The following FNBP1L variants were observed in gnomAD, a reference collection of about 807,000 sequenced individuals.
The protein encoded by FNBP1L is formin binding protein 1 like.
FNBP1L carries 36 observed loss-of-function variants against 91.2 expected under a neutral mutation model. That is an observed-to-expected ratio of 0.39 (90% CI 0.30 to 0.52). The LOEUF (loss-of-function observed/expected upper bound fraction) is 0.52, where lower values mean the gene tolerates loss of function less well. Ranked by LOEUF, FNBP1L falls within the 20% of genes least tolerant of loss-of-function variation. The pLI is 0.66. For missense variants in FNBP1L, 571 were observed against 732.1 expected, an observed-to-expected ratio of 0.78 and a Z score of 2.54; for synonymous variants, 242 against 237.0, an observed-to-expected ratio of 1.02 and a Z score of -0.19.
rs1313345059 is a variant in FNBP1L, at chr1:93,479,110, AAG to A, written c.25-20353_25-20352del. Among the ~76,000 whole-genome samples, 15 of 152,348 alleles carry A rather than the reference AAG, an allele frequency of 9.8e-5. No homozygotes were observed. In the East Asian group the frequency reaches 1.5e-3, roughly 16 times the overall value. On this transcript the variant is annotated intron_variant, in intron 1 of 16. Coordinates refer to ENST00000271234, the MANE Select transcript of FNBP1L (RefSeq NM_001164473.3). ...CGGTCTGAGAAATAGAAAGAGTACA[AAG>A]AGAGGAATTTTACAGCTGGGCCGCT...
intron 2 of FNBP1L, among the ~76,000 whole-genome samples, chr1:93,506,911 T>A (rs74495131): frequency 1.5e-3 from 234 of 152,224 alleles, no homozygotes; most frequent in African/African-American, 5.5e-3. Flanking sequence ...ATATTTAATA[T>A]CACATATATA....
intron 5 of FNBP1L, among the ~76,000 whole-genome samples, chr1:93,527,798 G>T (rs960796592): frequency 3.3e-5 from 5 of 151,932 alleles, no homozygotes; most frequent in African/African-American, 9.7e-5. Context: ...GAACTAATAT[G>T]CAGGAAAGAA....
At chr1:93,456,211 G>C (rs1668651642) in intron 1 of FNBP1L, among the ~76,000 whole-genome samples, 1 of 152,156 alleles carries the variant, frequency 6.6e-6, no homozygotes, top group South Asian at 2.1e-4. Context: ...TTTATGTAAA[G>C]TGTCCATGTT....
At chr1:93,516,307 C>G (rs1452370099) in intron 2 of FNBP1L, among the ~76,000 whole-genome samples, 1 of 152,150 alleles carries the variant, frequency 6.6e-6, no homozygotes, top group Non-Finnish European at 1.5e-5. Context: ...CCGGGGACCT[C>G]TTGATCTGCA....
At chr1:93,485,040 A>G (rs573760396) in intron 1 of FNBP1L, among the ~76,000 whole-genome samples, 82 of 152,042 alleles carry the variant, frequency 5.4e-4, no homozygotes, top group Non-Finnish European at 9.6e-4. Context: ...AGTCCCAGCT[A>G]TTTGGAAGGC....
intron 2 of FNBP1L, among the ~76,000 whole-genome samples, chr1:93,502,745 G>A (rs965333609): frequency 7.9e-5 from 12 of 152,142 alleles, no homozygotes; most frequent in African/African-American, 2.7e-4. Context: ...AAGGAATTTG[G>A]CACATTTCCA....
At chr1:93,463,650 T>C (rs1668973584) in intron 1 of FNBP1L, among the ~76,000 whole-genome samples, 1 of 152,152 alleles carries the variant, frequency 6.6e-6, no homozygotes, top group Non-Finnish European at 1.5e-5. Flanking sequence ...TGCTTAATCG[T>C]TTATTTCCAG....
At chr1:93,532,723 T>A (rs1180834087) in intron 7 of FNBP1L, among the ~76,000 whole-genome samples, 199 bp from the exon 8 acceptor site, 1 of 151,930 alleles carries the variant, frequency 6.6e-6, no homozygotes, top group Non-Finnish European at 1.5e-5. Context: ...TGCCTTACTA[T>A]TTTTTTTCTT....
chr1:93,472,999 T>G (rs1347160630), intron 1 of FNBP1L, among the ~76,000 whole-genome samples: 1 of 152,132 alleles, frequency 6.6e-6, no homozygotes, highest in East Asian at 1.9e-4. Flanking sequence ...ATGTTTCTCA[T>G]TTTGCACTTG....
At chr1:93,469,670 A>T (rs1037824611) in intron 1 of FNBP1L, among the ~76,000 whole-genome samples, 1 of 152,184 alleles carries the variant, frequency 6.6e-6, no homozygotes, top group Non-Finnish European at 1.5e-5. Context: ...ATAAATAAAA[A>T]CTAATATTGA....
At position 93,519,417 on chromosome 1, in the gene FNBP1L, TCTTTAGG is replaced by T. The variant is rs1292314587; in HGVS notation, c.141-2661_141-2655del. Reference sequence around the variant, plus strand: ...TCCAGTTGCCCAATTCCTGTTTATCTCTTTAGGCTTAGTCAGCAAATCAGAAATTTTA... The same window carrying T: ...TCCAGTTGCCCAATTCCTGTTTATCTCTTAGTCAGCAAATCAGAAATTTTA... On this transcript the variant is annotated intron_variant, in intron 2 of 16. Transcript: ENST00000271234. Among the ~76,000 whole-genome samples the T allele has an allele frequency of 2.0e-5, 3 of 152,288 alleles. No individual in the cohort carries two copies. In the East Asian group the frequency reaches 5.8e-4, roughly 29 times the overall value.
At chr1:93,530,575 TTAAATATAAAA>T (rs201805457) in intron 6 of FNBP1L, among the ~76,000 whole-genome samples, 169 bp from the exon 7 acceptor site, 5,695 of 152,206 alleles carry the variant, frequency 0.037, 334 homozygotes, top group African/African-American at 0.13. Flanking sequence ...GCAGGTGTCT[TTAAATATAAAA>T]TATATTTTAA....
Position 93,499,340 on chromosome 1 carries a change from T to A in FNBP1L, c.25-128T>A, listed in dbSNP as rs936682659. The A allele has an allele frequency of 4.6e-6, 3 of 652,528 alleles. No homozygotes were observed. The Admixed American group carries it at 9.0e-5, about 20-fold the overall frequency. The allele number at this position is 652,528 out of a possible 1,614,324, so 40.4% of individuals were successfully genotyped here. On this transcript the variant is annotated intron_variant, in intron 1 of 16. Coordinates refer to ENST00000271234, the MANE Select transcript of FNBP1L (RefSeq NM_001164473.3). ...GTCTTAAAGGGTGAAGTGGGGGAGCTAGTAGAAGAGCCTGGGTTTTTCCTT... is the reference window on the plus strand; with the variant it reads ...GTCTTAAAGGGTGAAGTGGGGGAGCAAGTAGAAGAGCCTGGGTTTTTCCTT...
chr1:93,485,305 A>G (rs1669862772), intron 1 of FNBP1L, among the ~76,000 whole-genome samples: 1 of 152,236 alleles, frequency 6.6e-6, no homozygotes, highest in Admixed American at 6.5e-5. Context: ...GATAGTTTGT[A>G]AATTTATTTT....
Position 93,541,045 on chromosome 1 carries a change from T to G in FNBP1L, c.1153T>G (p.Ser385Ala), listed in dbSNP as rs1672027721. The change falls in exon 11 of 17, where the codon TCG (serine) becomes GCG (alanine). Residue 385 changes from serine to alanine, a missense_variant. Transcript: ENST00000271234. ...TGTTTTCCATTGAACTATTCAGTGG[T>G]CGGTGAAGATGGTAAGCCTTATGTG... Reference protein sequence around the residue: ...PSFRSLKRGWSVKMGPALEDF... With the variant: ...PSFRSLKRGWAVKMGPALEDF... 6.5e-7 allele frequency: 1 copy of G among 1,536,496 alleles called. No individual in the cohort carries two copies. The highest frequency in any genetic ancestry group is 8.7e-7 in the Non-Finnish European group (1 of 1,146,426).
At chr1:93,455,683 T>G (rs923254456) in intron 1 of FNBP1L, among the ~76,000 whole-genome samples, 2 of 152,258 alleles carry the variant, frequency 1.3e-5, no homozygotes, top group Non-Finnish European at 2.9e-5. Context: ...CATGAGCTGA[T>G]TTATGTACTA....
intron 1 of FNBP1L, among the ~76,000 whole-genome samples, chr1:93,457,932 C>CA (rs1668723804): frequency 6.6e-6 from 1 of 151,820 alleles, no homozygotes; most frequent in South Asian, 2.1e-4. Context: ...GCTGGGACTA[C>CA]AGGCGCCCGC....
intron 1 of FNBP1L, among the ~76,000 whole-genome samples, chr1:93,467,104 G>A (rs1174900269): frequency 2.6e-5 from 4 of 152,090 alleles, no homozygotes; most frequent in African/African-American, 4.8e-5. Context: ...TTATCCACCC[G>A]CCTTGGCCTC....
intron 1 of FNBP1L, among the ~76,000 whole-genome samples, chr1:93,455,076 C>T (rs949861444): frequency 6.6e-6 from 1 of 152,118 alleles, no homozygotes; most frequent in African/African-American, 2.4e-5. Flanking sequence ...CTATAGGCGC[C>T]CACCACCACG....
Sources: allele counts gnomAD v4.1 joint callset (sites outside exome capture counted in the v4.1 genomes callset), GRCh38; gene constraint gnomAD v4.1.1; transcripts MANE v1.5; gene names NCBI Gene and HGNC (gene_info 2026-07-23, HGNC 2026-07-21).